MYO16: variants seen among roughly 807,000 people sequenced by gnomAD.
The protein encoded by MYO16 is unconventional myosin-XVI.
A neutral mutation model predicts 205.3 loss-of-function variants in MYO16; 94 were observed. That is an observed-to-expected ratio of 0.46 (90% CI 0.39 to 0.54). The LOEUF is 0.54. Among genes scored for constraint, MYO16 ranks in the 20% least tolerant of loss-of-function variants. The pLI, the probability that MYO16 is intolerant of heterozygous loss-of-function variation, is 0.00. For synonymous variants in MYO16, 988 were observed against 954.0 expected, an observed-to-expected ratio of 1.04 and a Z score of -0.66; for missense variants, 2,315 against 2,387.5, an observed-to-expected ratio of 0.97 and a Z score of 0.63.
intron 7 of MYO16, among the ~76,000 whole-genome samples, chr13:108,810,709 AG>A (rs1161139810): frequency 3.9e-5 from 6 of 152,172 alleles, no homozygotes; most frequent in African/African-American, 1.2e-4. Context: ...ATCTGTGTTT[AG>A]GGGAAAAAGC....
the MYO16 span, among the ~76,000 whole-genome samples, chr13:108,537,986 T>C: frequency 6.6e-6 from 1 of 152,184 alleles, no homozygotes; most frequent in Non-Finnish European, 1.5e-5. Context: ...TGTTGCTTGT[T>C]TCTTTTGCTG....
rs115041852 is a variant in MYO16 at position 108,882,318 on chromosome 13, C to T, written c.1426-741C>T. On this transcript the variant is annotated intron_variant, in intron 12 of 34. Transcript: ENST00000457511. Reference sequence around the variant, plus strand: ...CCATAGAGCTAGAGATTCAGGCCAGCGCTGCACGTTGCATTTTGAACCACC... The same window carrying T: ...CCATAGAGCTAGAGATTCAGGCCAGTGCTGCACGTTGCATTTTGAACCACC... 6.0e-3 allele frequency among the ~76,000 whole-genome samples: 912 copies of T among 152,260 alleles called. 16 individuals carry two copies. The highest frequency in any genetic ancestry group is 0.021 in the African/African-American group (857 of 41,550).
chr13:108,981,422 CT>C (rs1211011337), intron 20 of MYO16, among the ~76,000 whole-genome samples: 1 of 152,262 alleles, frequency 6.6e-6, no homozygotes, highest in African/African-American at 2.4e-5. Flanking sequence ...TTTGATGCTT[CT>C]CTTATAAGAG....
intron 11 of MYO16, among the ~76,000 whole-genome samples, chr13:108,863,395 T>G (rs1878547443): frequency 6.6e-6 from 1 of 152,154 alleles, no homozygotes; most frequent in Non-Finnish European, 1.5e-5. Flanking sequence ...AAGTTATTTT[T>G]TAATCAATAA....
intron 31 of MYO16, among the ~76,000 whole-genome samples, chr13:109,134,849 G>A (rs930304669): frequency 8.5e-5 from 13 of 152,136 alleles, no homozygotes; most frequent in African/African-American, 3.1e-4. Context: ...ATATACTGTG[G>A]TGGCCAAGGT....
chr13:108,763,441 T>C (rs930006622), intron 4 of MYO16, among the ~76,000 whole-genome samples: 6 of 152,220 alleles, frequency 3.9e-5, no homozygotes, highest in African/African-American at 1.2e-4. Flanking sequence ...GTTCCGTCCT[T>C]GCAAGAACAC....
rs192241507 is a variant in MYO16 at position 108,928,210 on chromosome 13, G to A, written c.1925+18060G>A. ...GAGATGGGCAGAGATGATGGGACCA[G>A]CCTGGAGGTGAGGAAGTGTGTACCG... On this transcript the variant is annotated intron_variant, in intron 16 of 34. Transcript: ENST00000457511. Among the ~76,000 whole-genome samples, 15 of 152,280 alleles carry A rather than the reference G, an allele frequency of 9.9e-5. No individual in the cohort carries two copies. The East Asian group carries it at 1.4e-3, about 14-fold the overall frequency.
At chr13:109,079,384 T>TG (rs748396963) in intron 27 of MYO16, among the ~76,000 whole-genome samples, 71 of 85,544 alleles carry the variant, frequency 8.3e-4, no homozygotes, top group Non-Finnish European at 1.1e-3. Flanking sequence ...ACCTACTGTA[T>TG]GGGTTTTTTT....
At chr13:108,799,047 G>C (rs987218178) in intron 6 of MYO16, among the ~76,000 whole-genome samples, 1 of 152,206 alleles carries the variant, frequency 6.6e-6, no homozygotes, top group Non-Finnish European at 1.5e-5. Flanking sequence ...GAATTATTCA[G>C]GAGAGGCAAG....
chr13:109,040,561 CAA>C (rs796343630), intron 23 of MYO16, among the ~76,000 whole-genome samples: 17 of 151,954 alleles, frequency 1.1e-4, no homozygotes, highest in African/African-American at 4.1e-4. Flanking sequence ...TTCAATATCT[CAA>C]AATCTATCAA....
the MYO16 span, among the ~76,000 whole-genome samples, chr13:108,506,779 T>G: frequency 6.6e-6 from 1 of 152,178 alleles, no homozygotes; most frequent in African/African-American, 2.4e-5. Context: ...GAAAACACAT[T>G]CAGTTTTTCA....
intron 10 of MYO16, among the ~76,000 whole-genome samples, chr13:108,851,439 A>T (rs565336818): frequency 3.9e-5 from 6 of 152,314 alleles, no homozygotes; most frequent in African/African-American, 1.4e-4. Flanking sequence ...GTCTCTCTAC[A>T]TAATGACTTT....
intron 9 of MYO16, among the ~76,000 whole-genome samples, chr13:108,827,280 T>C (rs1433712692): frequency 6.6e-6 from 1 of 152,132 alleles, no homozygotes; most frequent in Non-Finnish European, 1.5e-5. Context: ...TTTGCTACAA[T>C]TGCAAGAAAG....
chr13:108,775,643 C>T (rs547102558), intron 4 of MYO16, among the ~76,000 whole-genome samples: 114 of 152,188 alleles, frequency 7.5e-4, no homozygotes, highest in African/African-American at 2.6e-3. Flanking sequence ...TGGATGAAGT[C>T]TTGCTTTGCA....
chr13:108,656,040 G>A (rs866483805), intron 1 of MYO16, among the ~76,000 whole-genome samples: 18 of 152,150 alleles, frequency 1.2e-4, no homozygotes, highest in African/African-American at 4.3e-4. Context: ...TAAGACTTTG[G>A]GGGATTGTTG....
At chr13:108,879,669 T>C (rs1298970818) in intron 12 of MYO16, among the ~76,000 whole-genome samples, 2 of 152,226 alleles carry the variant, frequency 1.3e-5, no homozygotes, top group Non-Finnish European at 2.9e-5. Context: ...GCTTCATCTA[T>C]GTCCCTACAA....
chr13:109,054,303 C>A, intron 25 of MYO16: 1 of 401,376 alleles, frequency 2.5e-6, no homozygotes. Flanking sequence ...CCATTTTTTA[C>A]AGATAGGTAA....
chr13:108,644,362 G>GTCTGTCTGTCTA (rs1162945930), intron 1 of MYO16, among the ~76,000 whole-genome samples: 76 of 148,112 alleles, frequency 5.1e-4, no homozygotes, highest in African/African-American at 8.2e-4. Context: ...CTGTCTGTCT[G>GTCTGTCTGTCTA]TCTATCTATC....
chr13:108,711,295 T>C (rs956127972), intron 2 of MYO16, among the ~76,000 whole-genome samples: 2 of 152,204 alleles, frequency 1.3e-5, no homozygotes, highest in Non-Finnish European at 2.9e-5. Context: ...TTGAGAATGT[T>C]TTTGTAACAC....
Sources: allele counts gnomAD v4.1 joint callset (sites outside exome capture counted in the v4.1 genomes callset), GRCh38; gene constraint gnomAD v4.1.1; transcripts MANE v1.5; gene names NCBI Gene and HGNC (gene_info 2026-07-23, HGNC 2026-07-21).